Variants in MARCHF1 observed in about 807,000 individuals in gnomAD.
MARCHF1 encodes E3 ubiquitin-protein ligase MARCHF1.
Under a neutral mutation model 54.2 loss-of-function variants are expected in MARCHF1, and 40 were observed. The ratio of observed to expected loss-of-function variants is 0.74; its 90% confidence interval spans 0.57 to 0.96. The LOEUF is 0.96. Among genes scored for constraint, MARCHF1 ranks in the 40% least tolerant of loss-of-function variants. The pLI, the probability that MARCHF1 is intolerant of heterozygous loss-of-function variation, is 0.00. For missense variants in MARCHF1, 586 were observed against 656.5 expected (o/e 0.89, Z 1.17); for synonymous variants, 236 against 236.3 (o/e 1.00, Z 0.01).
intron 4 of MARCHF1, among the ~76,000 whole-genome samples, chr4:163,724,244 G>C (rs191733570): frequency 2.6e-5 from 4 of 152,198 alleles, no homozygotes; most frequent in African/African-American, 9.6e-5. Context: ...TAATGGTCAC[G>C]ATCCTCAGAT....
chr4:164,140,828 C>G lies in MARCHF1; in HGVS notation c.-322-29166G>C, dbSNP rs530243076. On this transcript the variant is annotated intron_variant, in intron 1 of 9. Transcript: ENST00000514618. ...AGTGACTCATGCTACACCTAGATGC[C>G]TATACTCTTATCCACAAAGTACATC... 4.6e-5 allele frequency among the ~76,000 whole-genome samples: 7 copies of G among 152,204 alleles called. No individual in the cohort carries two copies. The South Asian group carries it at 1.2e-3, about 27-fold the overall frequency.
chr4:163,818,881 G>T (rs1455610175), intron 4 of MARCHF1, among the ~76,000 whole-genome samples: 3 of 151,996 alleles, frequency 2.0e-5, no homozygotes, highest in African/African-American at 7.2e-5. Context: ...TGAAGCACAC[G>T]TCATTACATT....
intron 9 of MARCHF1, among the ~76,000 whole-genome samples, chr4:163,535,603 A>G (rs115806776): frequency 1.3e-5 from 2 of 152,310 alleles, no homozygotes; most frequent in African/African-American, 4.8e-5. Flanking sequence ...AGTCCCAGAT[A>G]AGTGGCAGCA....
chr4:164,177,671 A>C (rs1042040241), intron 1 of MARCHF1, among the ~76,000 whole-genome samples: 9 of 152,172 alleles, frequency 5.9e-5, no homozygotes, highest in Non-Finnish European at 1.2e-4. Flanking sequence ...TTAAGAAGAA[A>C]AATGGATGGT....
intron 2 of MARCHF1, among the ~76,000 whole-genome samples, chr4:164,006,545 A>G (rs1039535987): frequency 6.6e-6 from 1 of 152,202 alleles, no homozygotes; most frequent in Non-Finnish European, 1.5e-5. Context: ...ATGTGCAAAA[A>G]GTACAAAGTT....
chr4:164,070,863 A>G (rs1201014891), intron 2 of MARCHF1, among the ~76,000 whole-genome samples: 1 of 152,202 alleles, frequency 6.6e-6, no homozygotes, highest in Non-Finnish European at 1.5e-5. Flanking sequence ...ATCTCCAAGA[A>G]GTCCCACAAG....
chr4:163,817,273 G>GT (rs1412361855), intron 4 of MARCHF1, among the ~76,000 whole-genome samples: 6 of 149,022 alleles, frequency 4.0e-5, no homozygotes, highest in Admixed American at 3.3e-4. Context: ...ACAGCTACAT[G>GT]TATGTGTTTG....
intron 3 of MARCHF1, among the ~76,000 whole-genome samples, chr4:163,932,012 A>G (rs2111399372): frequency 6.6e-6 from 1 of 152,328 alleles, no homozygotes; most frequent in East Asian, 1.9e-4. Context: ...TTCCCAATGC[A>G]TATAAAAGTT....
intron 7 of MARCHF1, among the ~76,000 whole-genome samples, chr4:163,592,393 C>A (rs1364228688): frequency 6.6e-6 from 1 of 152,132 alleles, no homozygotes; most frequent in African/African-American, 2.4e-5. Flanking sequence ...TGGTCAAAAC[C>A]TCAGACCATC....
rs1287416077 is a variant in MARCHF1 at position 164,223,749 on chromosome 4, TC to T, written c.-322-112088del. Among the ~76,000 whole-genome samples the T allele has an allele frequency of 4.6e-5, 7 of 151,908 alleles. No homozygotes were observed. In the East Asian group the frequency reaches 1.4e-3, roughly 29 times the overall value. On this transcript the variant is annotated intron_variant, in intron 1 of 9. Coordinates refer to ENST00000514618, the MANE Select transcript of MARCHF1 (RefSeq NM_001394959.1). Reference sequence around the variant, plus strand: ...TTGCTACCAGTTTTCAAAGTGTGTTTCCTGAAATACTAATGCTGCTCTTTAA... The same window carrying T: ...TTGCTACCAGTTTTCAAAGTGTGTTTCTGAAATACTAATGCTGCTCTTTAA...
intron 1 of MARCHF1, among the ~76,000 whole-genome samples, chr4:164,315,591 T>C (rs1310577378): frequency 2.0e-4 from 31 of 152,194 alleles, no homozygotes; most frequent in Admixed American, 2.0e-3. Context: ...TCTAAATTAA[T>C]AGTCCATTTT....
chr4:164,364,135 G>A (rs954621714), intron 1 of MARCHF1, among the ~76,000 whole-genome samples: 4 of 152,006 alleles, frequency 2.6e-5, no homozygotes, highest in African/African-American at 9.7e-5. Flanking sequence ...TCAAAAATTA[G>A]AAATGATTTT....
In MARCHF1 at chr4:164,094,597, A is replaced by G. The variant is rs77585009; in HGVS notation, c.-248+16991T>C. 9.3e-3 allele frequency among the ~76,000 whole-genome samples: 1,411 copies of G among 152,274 alleles called. 17 individuals carry two copies. Among genetic ancestry groups the G allele is most frequent in the East Asian group, 0.05 (260 of 5,172 alleles). On this transcript the variant is annotated intron_variant, in intron 2 of 9. Transcript: ENST00000514618. ...GAAAGTGCATTTACAAGTATCTCCA[A>G]AGACTGAGAGTTATCTAATATGATT...
At chr4:164,007,315 C>T (rs1409583784) in intron 2 of MARCHF1, among the ~76,000 whole-genome samples, 1 of 133,956 alleles carries the variant, frequency 7.5e-6, no homozygotes, top group Non-Finnish European at 1.5e-5. Flanking sequence ...TACTGCACTC[C>T]AGCCTGGGCG....
intron 1 of MARCHF1, among the ~76,000 whole-genome samples, chr4:164,223,801 A>G (rs1459203230): frequency 6.6e-6 from 1 of 151,694 alleles, no homozygotes; most frequent in African/African-American, 2.4e-5. Flanking sequence ...TAAAATACAC[A>G]TAGGAAACCC....
chr4:164,337,003 G>T (rs945884083), intron 1 of MARCHF1, among the ~76,000 whole-genome samples: 5 of 151,880 alleles, frequency 3.3e-5, no homozygotes, highest in African/African-American at 9.7e-5. Flanking sequence ...GAAGAGAGGA[G>T]GGAAGGAGGG....
intron 2 of MARCHF1, among the ~76,000 whole-genome samples, chr4:164,071,722 A>C (rs1400334954): frequency 6.6e-6 from 1 of 152,160 alleles, no homozygotes; most frequent in Non-Finnish European, 1.5e-5. Context: ...CTCACAACCC[A>C]TAGCTTCCTA....
chr4:164,036,001 G>T (rs983598706), intron 2 of MARCHF1, among the ~76,000 whole-genome samples: 3 of 150,118 alleles, frequency 2.0e-5, no homozygotes, highest in Non-Finnish European at 4.4e-5. Flanking sequence ...TACTCAGGAG[G>T]CTGAGGCAGG....
chr4:163,962,667 C>T (rs1481188874), intron 3 of MARCHF1, among the ~76,000 whole-genome samples: 2 of 151,836 alleles, frequency 1.3e-5, no homozygotes, highest in Admixed American at 6.6e-5. Context: ...TTTCTATTCT[C>T]CTTAATTTTA....
Sources: allele counts gnomAD v4.1 joint callset (sites outside exome capture counted in the v4.1 genomes callset), GRCh38; gene constraint gnomAD v4.1.1; transcripts MANE v1.5; gene names NCBI Gene and HGNC (gene_info 2026-07-23, HGNC 2026-07-21).